WDR7: variants seen among roughly 807,000 people sequenced by gnomAD.
WDR7 encodes WD repeat domain 7.
A neutral mutation model predicts 169.4 loss-of-function variants in WDR7; 46 were observed. The ratio of observed to expected loss-of-function variants is 0.27; its 90% confidence interval spans 0.21 to 0.35. WDR7 has a LOEUF of 0.35. Among genes scored for constraint, WDR7 ranks in the 10% least tolerant of loss-of-function variants. The pLI is 1.00. For synonymous variants in WDR7, 612 were observed against 666.8 expected (o/e 0.92, Z 1.27); for missense variants, 1,534 against 1,859.3 (o/e 0.83, Z 3.22).
intron 19 of WDR7, among the ~76,000 whole-genome samples, chr18:56,808,532 AT>A (rs2044814559): frequency 6.6e-6 from 1 of 152,204 alleles, no homozygotes; most frequent in African/African-American, 2.4e-5. Context: ...CAATAAAAAA[AT>A]GAAACTATAA....
At chr18:56,740,612 A>G (rs1456876289) in intron 14 of WDR7, among the ~76,000 whole-genome samples, 1 of 152,196 alleles carries the variant, frequency 6.6e-6, no homozygotes, top group Non-Finnish European at 1.5e-5. Flanking sequence ...GCTAGGTTGC[A>G]GTATTTTAAA....
At chr18:56,687,437 A>G (rs897634743) in intron 7 of WDR7, among the ~76,000 whole-genome samples, 8 of 152,226 alleles carry the variant, frequency 5.3e-5, no homozygotes, top group Non-Finnish European at 1.2e-4. Flanking sequence ...CCATAATAGA[A>G]AAATAGCATG....
At chr18:56,718,231 C>A in intron 13 of WDR7, 72 bp downstream of exon 13, 1 of 1,347,008 alleles carries the variant, frequency 7.4e-7, no homozygotes, top group Non-Finnish European at 9.8e-7. Flanking sequence ...ATGAAAATGT[C>A]TTTTATATGA....
chr18:56,836,067 G>A (rs1007552684), intron 20 of WDR7, among the ~76,000 whole-genome samples: 2 of 152,148 alleles, frequency 1.3e-5, no homozygotes, highest in African/African-American at 4.8e-5. Context: ...AAAATGTGAA[G>A]ATTAATTGAA....
intron 14 of WDR7, among the ~76,000 whole-genome samples, chr18:56,746,911 C>G (rs1026078583): frequency 6.6e-6 from 1 of 152,168 alleles, no homozygotes; most frequent in African/African-American, 2.4e-5. Flanking sequence ...CAAAGTGTCT[C>G]CAGACATTAC....
chr18:56,707,022 C>G (rs1268852130), intron 12 of WDR7, among the ~76,000 whole-genome samples: 3 of 150,642 alleles, frequency 2.0e-5, no homozygotes, highest in Admixed American at 6.7e-5. Context: ...CACTCTGCCA[C>G]CCAGGCTGGA....
intron 20 of WDR7, among the ~76,000 whole-genome samples, chr18:56,843,862 T>C (rs1233897883): frequency 6.6e-6 from 1 of 151,360 alleles, no homozygotes; most frequent in African/African-American, 2.4e-5. Flanking sequence ...TCTTTCTTTT[T>C]TTTTTTTTTT....
intron 20 of WDR7, among the ~76,000 whole-genome samples, chr18:56,876,468 A>G (rs2046023408): frequency 6.6e-6 from 1 of 152,216 alleles, no homozygotes; most frequent in African/African-American, 2.4e-5. Flanking sequence ...GTGGACCAGT[A>G]ATGAAATAGA....
intron 19 of WDR7, among the ~76,000 whole-genome samples, chr18:56,805,962 G>A (rs2145177754): frequency 6.6e-6 from 1 of 152,206 alleles, no homozygotes; most frequent in East Asian, 1.9e-4. Context: ...GGGACTTTTA[G>A]CATACCCTTT....
chr18:56,960,568 G>T (rs768533011), intron 25 of WDR7, among the ~76,000 whole-genome samples: 1 of 152,082 alleles, frequency 6.6e-6, no homozygotes, highest in Admixed American at 6.6e-5. Context: ...ACCATAATAA[G>T]ACATACATTA....
chr18:56,767,720 A>G (rs1188470695), intron 16 of WDR7, among the ~76,000 whole-genome samples: 1 of 152,176 alleles, frequency 6.6e-6, no homozygotes, highest in African/African-American at 2.4e-5. Context: ...TTATTTGTAT[A>G]TATGGAGTTG....
intron 19 of WDR7, among the ~76,000 whole-genome samples, chr18:56,788,290 T>C (rs144756850): frequency 2.0e-5 from 3 of 152,346 alleles, no homozygotes; most frequent in African/African-American, 4.8e-5. Context: ...AGTCCCCAGA[T>C]TGATAATGCC....
intron 26 of WDR7, among the ~76,000 whole-genome samples, chr18:57,000,668 C>G (rs768962726): frequency 1.3e-5 from 2 of 152,136 alleles, no homozygotes; most frequent in Non-Finnish European, 2.9e-5. Context: ...GTGATGCACA[C>G]AGGAAGTGCA....
At chr18:56,686,357 A>G (rs1045818361) in intron 6 of WDR7, among the ~76,000 whole-genome samples, 8 of 152,282 alleles carry the variant, frequency 5.3e-5, no homozygotes, top group Middle Eastern at 3.4e-3. Context: ...AAAAAAATAA[A>G]GCAAATCACC....
chr18:56,909,177 G>A (rs2046520736), intron 21 of WDR7, among the ~76,000 whole-genome samples: 1 of 152,064 alleles, frequency 6.6e-6, no homozygotes, highest in Admixed American at 6.6e-5. Flanking sequence ...TTAAGCTTGG[G>A]ATTAGAATCC....
intron 26 of WDR7, among the ~76,000 whole-genome samples, chr18:57,009,174 G>T (rs575097247): frequency 6.6e-6 from 1 of 152,154 alleles, no homozygotes; most frequent in African/African-American, 2.4e-5. Flanking sequence ...ATAGAAAAAT[G>T]TTGGATGTTA....
intron 25 of WDR7, among the ~76,000 whole-genome samples, chr18:56,943,933 T>G (rs567158333): frequency 1.3e-5 from 2 of 151,744 alleles, no homozygotes; most frequent in African/African-American, 4.8e-5. Context: ...TATTTAGTTT[T>G]TTTCACCTTC....
intron 21 of WDR7, among the ~76,000 whole-genome samples, chr18:56,892,940 A>G (rs565286189): frequency 1.3e-5 from 2 of 152,246 alleles, no homozygotes; most frequent in South Asian, 2.1e-4. Context: ...CTGTTATACA[A>G]CATACAATAT....
chr18:56,706,214 G>C (rs1382745840), intron 12 of WDR7, among the ~76,000 whole-genome samples: 1 of 152,154 alleles, frequency 6.6e-6, no homozygotes, highest in Non-Finnish European at 1.5e-5. Flanking sequence ...AATGAAAATG[G>C]ATGATAACAT....
Sources: gnomAD v4.1 joint callset for allele counts (sites outside exome capture counted in the v4.1 genomes callset) on GRCh38, gnomAD v4.1.1 for gene constraint, MANE v1.5 for transcripts, NCBI Gene and HGNC (gene_info 2026-07-23, HGNC 2026-07-21) for gene names.